SFMBT1: variants seen among roughly 807,000 people sequenced by gnomAD.
The protein encoded by SFMBT1 is scm-like with four MBT domains protein 1.
Under a neutral mutation model 108.7 loss-of-function variants are expected in SFMBT1, and 32 were observed. That is an observed-to-expected ratio of 0.29 (90% CI 0.22 to 0.40). The LOEUF is 0.40. Ranked by LOEUF, SFMBT1 falls within the 10% of genes least tolerant of loss-of-function variation. The pLI is 1.00. For synonymous variants in SFMBT1, 348 were observed against 369.5 expected, an observed-to-expected ratio of 0.94 and a Z score of 0.67; for missense variants, 816 against 1,059.6, an observed-to-expected ratio of 0.77 and a Z score of 3.19.
chr3:52,967,916 GTTTTC>G (rs1704201327), intron 2 of SFMBT1, among the ~76,000 whole-genome samples: 1 of 152,182 alleles, frequency 6.6e-6, no homozygotes, highest in African/African-American at 2.4e-5. Context: ...TAATTTTGCA[GTTTTC>G]TTTACTAAAT....
chr3:52,907,153 C>T lies in SFMBT1; in HGVS notation c.2247G>A (p.Ser749=), dbSNP rs758867037. The part of the protein sequence containing the change: ...SSPTQSEIST[S]LPPDRQRRKR... Reference sequence around the variant, plus strand: ...TTCTCCTTTGTCTATCTGGAGGCAGCGATGTGGATATCTCACTTTGGGTGG... The same window carrying T: ...TTCTCCTTTGTCTATCTGGAGGCAGTGATGTGGATATCTCACTTTGGGTGG... Residue 749 remains serine (S), a synonymous_variant, in exon 19 of 21, where the codon TCG becomes TCA. Coordinates refer to ENST00000394752, the MANE Select transcript of SFMBT1 (RefSeq NM_016329.4). 6 of 1,614,000 alleles carry T rather than the reference C, an allele frequency of 3.7e-6. No individual in the cohort carries two copies. The highest frequency in any genetic ancestry group is 1.3e-5 in the African/African-American group (1 of 74,884).
At chr3:53,035,981 T>C (rs1441613690) in intron 1 of SFMBT1, among the ~76,000 whole-genome samples, 3 of 152,262 alleles carry the variant, frequency 2.0e-5, no homozygotes, top group Non-Finnish European at 4.4e-5. Context: ...CTAGTTTCAC[T>C]TTCCAAGGTG....
At chr3:52,937,658 C>T (rs376916450) in intron 4 of SFMBT1, among the ~76,000 whole-genome samples, 3 of 152,022 alleles carry the variant, frequency 2.0e-5, no homozygotes, top group Admixed American at 6.5e-5. Flanking sequence ...TCTCAGCTCA[C>T]GGCAACCTCC....
chr3:52,966,807 C>G (rs1704166495), intron 2 of SFMBT1, among the ~76,000 whole-genome samples: 1 of 151,270 alleles, frequency 6.6e-6, no homozygotes, highest in African/African-American at 2.4e-5. Context: ...ACAGTTTAAA[C>G]AAAAATGTTA....
chr3:52,984,188 TATG>T (rs1023103416), intron 1 of SFMBT1, among the ~76,000 whole-genome samples: 2 of 152,166 alleles, frequency 1.3e-5, no homozygotes, highest in African/African-American at 2.4e-5. Context: ...GAAGAAAAAT[TATG>T]ATGAGCTTCA....
chr3:52,994,619 C>A (rs1698253470), intron 1 of SFMBT1, among the ~76,000 whole-genome samples: 1 of 150,464 alleles, frequency 6.6e-6, no homozygotes, highest in Non-Finnish European at 1.5e-5. Flanking sequence ...CTGGCCTCAG[C>A]CTCCCAAGTA....
At chr3:53,030,001 A>G (rs1699628099) in intron 1 of SFMBT1, among the ~76,000 whole-genome samples, 1 of 152,228 alleles carries the variant, frequency 6.6e-6, no homozygotes, top group Admixed American at 6.5e-5. Flanking sequence ...ACTTAGAAAA[A>G]AAAACCAGTT....
At chr3:53,038,206 C>T (rs1353630423) in intron 1 of SFMBT1, among the ~76,000 whole-genome samples, 1 of 152,190 alleles carries the variant, frequency 6.6e-6, no homozygotes. Context: ...AGCCCAGGCA[C>T]TCCAGTTTAG....
intron 1 of SFMBT1, among the ~76,000 whole-genome samples, chr3:52,999,066 G>A (rs570934738): frequency 7.9e-5 from 12 of 150,950 alleles, no homozygotes; most frequent in African/African-American, 2.9e-4. Context: ...GGGGACGCCC[G>A]AGGACATGCT....
intron 11 of SFMBT1, 41 bp from the exon 12 acceptor site, chr3:52,920,691 CT>C (rs769836181): frequency 1.4e-5 from 17 of 1,224,926 alleles, no homozygotes; most frequent in African/African-American, 4.5e-5. Context: ...ACAAACAAAC[CT>C]TTTTTTAGAC....
chr3:52,995,346 G>C (rs1698286629), intron 1 of SFMBT1, among the ~76,000 whole-genome samples: 1 of 150,216 alleles, frequency 6.7e-6, no homozygotes, highest in African/African-American at 2.4e-5. Flanking sequence ...TTAATATCCA[G>C]AAAAAGAAAA....
At chr3:52,936,812 T>C (rs181103940) in intron 4 of SFMBT1, among the ~76,000 whole-genome samples, 33 of 152,234 alleles carry the variant, frequency 2.2e-4, no homozygotes, top group African/African-American at 7.5e-4. Context: ...TTCAGAAAGA[T>C]AGTGCTTTCA....
At chr3:52,942,285 T>C (rs1310395770) in intron 4 of SFMBT1, among the ~76,000 whole-genome samples, 1 of 152,200 alleles carries the variant, frequency 6.6e-6, no homozygotes, top group Non-Finnish European at 1.5e-5. Context: ...TACAGTATTT[T>C]TGAATAAAAG....
At chr3:52,943,295 A>C (rs1185744221) in intron 4 of SFMBT1, 58 bp downstream of exon 4, 33 of 1,609,482 alleles carry the variant, frequency 2.1e-5, no homozygotes, top group Non-Finnish European at 2.5e-5. Flanking sequence ...GACTGTGGAC[A>C]ATCCAAATTT....
At chr3:52,916,006 A>G in intron 14 of SFMBT1, 144 bp downstream of exon 14, 1 of 609,176 alleles carries the variant, frequency 1.6e-6, no homozygotes, top group Non-Finnish European at 2.9e-6. Context: ...CATCTTAGAC[A>G]GTTATAACTC....
intron 1 of SFMBT1, among the ~76,000 whole-genome samples, chr3:53,012,926 G>A (rs1699004202): frequency 6.6e-6 from 1 of 151,552 alleles, no homozygotes; most frequent in African/African-American, 2.4e-5. Flanking sequence ...TATTTCACCT[G>A]CTTTATAGTT....
At chr3:52,995,647 G>A (rs1371675319) in intron 1 of SFMBT1, among the ~76,000 whole-genome samples, 1 of 150,008 alleles carries the variant, frequency 6.7e-6, no homozygotes, top group Non-Finnish European at 1.5e-5. Flanking sequence ...TGATCCTTCT[G>A]CCTCAGCCTC....
intron 1 of SFMBT1, among the ~76,000 whole-genome samples, chr3:52,995,637 T>C (rs1290251568): frequency 6.7e-6 from 1 of 150,062 alleles, no homozygotes; most frequent in Non-Finnish European, 1.5e-5. Context: ...TAAACTCAAG[T>C]GATCCTTCTG....
chr3:52,979,658 T>C lies in SFMBT1; in HGVS notation c.-130-10400A>G, dbSNP rs114657140. On this transcript the variant is annotated intron_variant, in intron 1 of 20. Transcript: ENST00000394752. ...TAGTAACAGAGTGCTTAAATTAGTA[T>C]TGCCATTCACCAGAACTTATATTAA... Among the ~76,000 whole-genome samples, 582 of 152,340 alleles carry C rather than the reference T, an allele frequency of 3.8e-3. 3 individuals carry two copies. Among genetic ancestry groups the C allele is most frequent in the African/African-American group, 0.013 (528 of 41,574 alleles).
Sources: gnomAD v4.1 joint callset for allele counts (sites outside exome capture counted in the v4.1 genomes callset) on GRCh38, gnomAD v4.1.1 for gene constraint, MANE v1.5 for transcripts, NCBI Gene and HGNC (gene_info 2026-07-23, HGNC 2026-07-21) for gene names.